SGCZ: variants seen among roughly 807,000 people sequenced by gnomAD.
SGCZ encodes the protein zeta-sarcoglycan.
Under a neutral mutation model 41.3 loss-of-function variants are expected in SGCZ, and 40 were observed. That is an observed-to-expected ratio of 0.97 (90% confidence interval 0.75 to 1.26). SGCZ has a LOEUF of 1.26. Among genes scored for constraint, SGCZ ranks in the 50% most tolerant of loss-of-function variants. The probability of loss-of-function intolerance (pLI) is 0.00; values close to 1 mark genes in which losing one functional copy is unlikely to be tolerated. For synonymous variants in SGCZ, 206 were observed against 137.5 expected, an observed-to-expected ratio of 1.50 and a Z score of -3.49; for missense variants, 552 against 369.8, an observed-to-expected ratio of 1.49 and a Z score of -4.04.
chr8:14,420,678 C>T (rs189722965), intron 2 of SGCZ, among the ~76,000 whole-genome samples: 1 of 152,004 alleles, frequency 6.6e-6, no homozygotes, highest in East Asian at 1.9e-4. Flanking sequence ...GGAGAAATAC[C>T]ACAGTAAAGC....
chr8:14,857,644 G>A (rs1585323269), intron 1 of SGCZ, among the ~76,000 whole-genome samples: 2 of 152,048 alleles, frequency 1.3e-5, no homozygotes, highest in Admixed American at 1.3e-4. Context: ...CAGGTGGATT[G>A]CTTGAGGTCA....
chr8:14,251,962 G>A (rs1254806787), intron 3 of SGCZ, among the ~76,000 whole-genome samples: 1 of 152,030 alleles, frequency 6.6e-6, no homozygotes. Flanking sequence ...CTCCCACCTC[G>A]ACCTCCCAAA....
chr8:14,783,303 G>A (rs1265916562), intron 1 of SGCZ, among the ~76,000 whole-genome samples: 1 of 152,074 alleles, frequency 6.6e-6, no homozygotes, highest in Non-Finnish European at 1.5e-5. Context: ...GCATGGTGCT[G>A]AGTGCCTGTA....
chr8:14,282,644 A>T (rs1800485147), intron 3 of SGCZ, among the ~76,000 whole-genome samples: 4 of 152,220 alleles, frequency 2.6e-5, no homozygotes, highest in Admixed American at 2.6e-4. Flanking sequence ...TCAGAATCAC[A>T]AACTGAAGCC....
At chr8:15,138,708 T>G (rs1248358067) in intron 1 of SGCZ, among the ~76,000 whole-genome samples, 1 of 152,196 alleles carries the variant, frequency 6.6e-6, no homozygotes, top group Non-Finnish European at 1.5e-5. Context: ...GCCTCAGCCA[T>G]GCTGAACTGT....
At chr8:15,231,439 G>GC (rs1801935544) in intron 1 of SGCZ, among the ~76,000 whole-genome samples, 1 of 151,964 alleles carries the variant, frequency 6.6e-6, no homozygotes, top group Admixed American at 6.6e-5. Context: ...AGAATGTGAG[G>GC]CTACATAATG....
At chr8:14,852,567 G>GA (rs1363586232) in intron 1 of SGCZ, among the ~76,000 whole-genome samples, 1 of 152,140 alleles carries the variant, frequency 6.6e-6, no homozygotes, top group East Asian at 1.9e-4. Context: ...ACAATTGCCT[G>GA]AAAATATTCT....
chr8:15,095,996 C>T (rs1453178850), intron 1 of SGCZ, among the ~76,000 whole-genome samples: 1 of 152,076 alleles, frequency 6.6e-6, no homozygotes, highest in Non-Finnish European at 1.5e-5. Flanking sequence ...GTGTTTTGAA[C>T]AACAAAAATG....
At chr8:14,878,995 A>G (rs1179005501) in intron 1 of SGCZ, 1 of 152,178 alleles carries the variant, frequency 6.6e-6, no homozygotes, top group Non-Finnish European at 1.5e-5. Flanking sequence ...CTTGTAATCA[A>G]GAAGTTACAG....
chr8:14,575,092 C>T (rs561318320), intron 1 of SGCZ, among the ~76,000 whole-genome samples: 164 of 152,272 alleles, frequency 1.1e-3, no homozygotes, highest in African/African-American at 3.9e-3. Context: ...TTAGAGCAAA[C>T]TGATTTTTTG....
chr8:14,881,485 C>A (rs898392571), intron 1 of SGCZ, among the ~76,000 whole-genome samples: 3 of 152,072 alleles, frequency 2.0e-5, no homozygotes, highest in African/African-American at 7.2e-5. Context: ...ATGCAGATTG[C>A]AGCAGAGGGA....
intron 1 of SGCZ, among the ~76,000 whole-genome samples, chr8:15,222,856 T>C (rs1417383601): frequency 6.6e-6 from 1 of 151,912 alleles, no homozygotes; most frequent in African/African-American, 2.4e-5. Flanking sequence ...AGAGAAGCAA[T>C]AGTACTCACT....
At chr8:14,952,676 G>T (rs1800677507) in intron 1 of SGCZ, among the ~76,000 whole-genome samples, 1 of 152,122 alleles carries the variant, frequency 6.6e-6, no homozygotes, top group African/African-American at 2.4e-5. Flanking sequence ...TGTGACTTTG[G>T]CCTCATTAAA....
intron 1 of SGCZ, among the ~76,000 whole-genome samples, chr8:15,206,142 C>T (rs538119047): frequency 6.6e-6 from 1 of 152,094 alleles, no homozygotes; most frequent in East Asian, 1.9e-4. Context: ...ATGAGTTTAC[C>T]TATGCAACAA....
intron 1 of SGCZ, among the ~76,000 whole-genome samples, chr8:14,851,586 A>G (rs1222814435): frequency 6.6e-6 from 1 of 152,124 alleles, no homozygotes; most frequent in African/African-American, 2.4e-5. Context: ...TGGTTTTATC[A>G]TGCTGTTTAC....
chr8:14,364,768 C>T (rs1232529447), intron 2 of SGCZ, among the ~76,000 whole-genome samples: 1 of 152,006 alleles, frequency 6.6e-6, no homozygotes, highest in Non-Finnish European at 1.5e-5. Context: ...ATCATTTGCT[C>T]ATTTTGATAT....
intron 1 of SGCZ, among the ~76,000 whole-genome samples, chr8:15,190,476 GC>G (rs990217501): frequency 4.6e-5 from 7 of 152,038 alleles, no homozygotes; most frequent in Non-Finnish European, 4.4e-5. Context: ...AGAGAAATAG[GC>G]AAGTCAAAGA....
intron 1 of SGCZ, among the ~76,000 whole-genome samples, chr8:15,193,269 T>C (rs1006705420): frequency 1.3e-5 from 2 of 152,124 alleles, no homozygotes; most frequent in South Asian, 2.1e-4. Context: ...TATGGAAAGT[T>C]GCTTGAATAT....
intron 2 of SGCZ, among the ~76,000 whole-genome samples, chr8:14,412,307 T>C (rs374525261): frequency 1.0e-3 from 155 of 152,136 alleles, no homozygotes; most frequent in African/African-American, 3.5e-3. Flanking sequence ...TTACAGAAAA[T>C]ATGTGTAAAG....
Sources: allele counts gnomAD v4.1 joint callset (sites outside exome capture counted in the v4.1 genomes callset), GRCh38; gene constraint gnomAD v4.1.1; transcripts MANE v1.5; gene names NCBI Gene and HGNC (gene_info 2026-07-23, HGNC 2026-07-21).